Variants in DLGAP2 observed in about 807,000 individuals in gnomAD.
DLGAP2 encodes disks large-associated protein 2.
DLGAP2 carries 26 observed loss-of-function variants against 100.3 expected under a neutral mutation model. That is an observed-to-expected ratio of 0.26 (90% CI 0.19 to 0.36). DLGAP2 has a LOEUF of 0.36. DLGAP2 is among the 10% of genes least tolerant of loss of function. DLGAP2 has a pLI of 1.00. For missense variants in DLGAP2, 1,858 were observed against 1,453.2 expected (o/e 1.28, Z -4.53); for synonymous variants, 886 against 630.1 (o/e 1.41, Z -6.08).
At chr8:1,601,016 C>G (rs928463901) in intron 6 of DLGAP2, among the ~76,000 whole-genome samples, 1 of 152,162 alleles carries the variant, frequency 6.6e-6, no homozygotes, top group African/African-American at 2.4e-5. Context: ...ATTTATCTAT[C>G]TTTGTTCTTT....
intron 1 of DLGAP2, among the ~76,000 whole-genome samples, chr8:809,670 C>T (rs1011626617): frequency 5.9e-5 from 9 of 152,100 alleles, no homozygotes; most frequent in Admixed American, 2.0e-4. Flanking sequence ...TGGTGAAGAA[C>T]GGATGTGTTG....
chr8:1,287,153 T>TGCGC (rs1799940384), intron 3 of DLGAP2, among the ~76,000 whole-genome samples: 4 of 127,826 alleles, frequency 3.1e-5, no homozygotes, highest in Admixed American at 7.9e-5. Context: ...TGTGTGTGTG[T>TGCGC]GTGTGCGCGC....
At chr8:1,595,135 G>A (rs951028331) in intron 6 of DLGAP2, among the ~76,000 whole-genome samples, 2 of 151,762 alleles carry the variant, frequency 1.3e-5, no homozygotes, top group Non-Finnish European at 2.9e-5. Context: ...CAACCTCCCG[G>A]GTGCAAGCGA....
chr8:1,314,087 G>T (rs1436710043), intron 3 of DLGAP2, among the ~76,000 whole-genome samples: 2 of 152,186 alleles, frequency 1.3e-5, no homozygotes, highest in Non-Finnish European at 2.9e-5. Flanking sequence ...AGTTACTGCT[G>T]ACTTAATTAG....
intron 2 of DLGAP2, among the ~76,000 whole-genome samples, chr8:1,061,869 CG>C (rs1803094246): frequency 6.6e-6 from 1 of 151,964 alleles, no homozygotes. Context: ...TCTGTGTGGA[CG>C]GGGCCCCTCC....
At chr8:1,412,894 C>A (rs760498337) in intron 3 of DLGAP2, among the ~76,000 whole-genome samples, 1 of 152,162 alleles carries the variant, frequency 6.6e-6, no homozygotes, top group South Asian at 2.1e-4. Flanking sequence ...TATTTCCTGT[C>A]TCCCTGTCTC....
At chr8:1,018,166 A>T (rs1354792315) in intron 2 of DLGAP2, among the ~76,000 whole-genome samples, 1 of 149,760 alleles carries the variant, frequency 6.7e-6, no homozygotes, top group Non-Finnish European at 1.5e-5. Context: ...CAGATGCATT[A>T]TCCTAGACTC....
At chr8:1,538,409 G>A (rs530660220) in intron 4 of DLGAP2, among the ~76,000 whole-genome samples, 1 of 152,242 alleles carries the variant, frequency 6.6e-6, no homozygotes, top group African/African-American at 2.4e-5. Context: ...AGAATTCCCT[G>A]AGCACCTAAG....
chr8:1,147,291 T>C (rs954684469), intron 2 of DLGAP2, among the ~76,000 whole-genome samples: 1 of 152,190 alleles, frequency 6.6e-6, no homozygotes, highest in Non-Finnish European at 1.5e-5. Context: ...AATGAAACTC[T>C]GTAAAATAAT....
chr8:1,667,022 C>G (rs1358529135), intron 8 of DLGAP2, among the ~76,000 whole-genome samples: 1 of 152,226 alleles, frequency 6.6e-6, no homozygotes, highest in Non-Finnish European at 1.5e-5. Context: ...CACGTGCGCA[C>G]TCACCTACGT....
chr8:866,403 G>A (rs1030676815), intron 1 of DLGAP2, among the ~76,000 whole-genome samples: 1 of 152,208 alleles, frequency 6.6e-6, no homozygotes, highest in Non-Finnish European at 1.5e-5. Context: ...CAGGGCCTGG[G>A]AACCATGTCT....
chr8:1,059,959 T>G (rs1344591955), intron 2 of DLGAP2, among the ~76,000 whole-genome samples: 3 of 152,108 alleles, frequency 2.0e-5, no homozygotes, highest in African/African-American at 4.8e-5. Flanking sequence ...ATGAGTGGGC[T>G]CCAGAGGGCC....
chr8:1,530,373 G>A (rs1173549622), intron 4 of DLGAP2, among the ~76,000 whole-genome samples: 1 of 152,162 alleles, frequency 6.6e-6, no homozygotes, highest in Non-Finnish European at 1.5e-5. Context: ...CAGCTCACCG[G>A]TGGTCAGAGT....
chr8:1,665,065 C>T (rs1351761288), intron 8 of DLGAP2, among the ~76,000 whole-genome samples: 1 of 152,126 alleles, frequency 6.6e-6, no homozygotes, highest in African/African-American at 2.4e-5. Flanking sequence ...ATCATTTCAT[C>T]AGCCTGTAGC....
At chr8:1,626,225 C>T (rs1378263862) in intron 6 of DLGAP2, among the ~76,000 whole-genome samples, 8 of 92,280 alleles carry the variant, frequency 8.7e-5, no homozygotes, top group African/African-American at 1.6e-4. Flanking sequence ...GGTTGGACGG[C>T]TGTTCCCATC....
At chr8:1,376,726 CGGTGGG>C (rs1563114578) in intron 3 of DLGAP2, among the ~76,000 whole-genome samples, 2 of 147,910 alleles carry the variant, frequency 1.4e-5, no homozygotes, top group East Asian at 2.2e-4. Context: ...AACCTGAGCC[CGGTGGG>C]ATGTGTGGTC....
At chr8:1,692,772 G>A (rs1585069682) in intron 13 of DLGAP2, among the ~76,000 whole-genome samples, 1 of 151,976 alleles carries the variant, frequency 6.6e-6, no homozygotes, top group Admixed American at 6.6e-5. Flanking sequence ...CCATGAACTA[G>A]ATGATTAATA....
chr8:1,243,896 C>G (rs1563276344), intron 2 of DLGAP2, among the ~76,000 whole-genome samples: 1 of 152,248 alleles, frequency 6.6e-6, no homozygotes, highest in African/African-American at 2.4e-5. Context: ...GCCTCAGCAT[C>G]TGTTCTCTTA....
At chr8:766,704 A>T (rs993093195) in intron 1 of DLGAP2, among the ~76,000 whole-genome samples, 1 of 152,180 alleles carries the variant, frequency 6.6e-6, no homozygotes, top group Non-Finnish European at 1.5e-5. Context: ...TTTGAAAAGC[A>T]GCTTTTGTTT....
Sources: gnomAD v4.1 joint callset for allele counts (sites outside exome capture counted in the v4.1 genomes callset) on GRCh38, gnomAD v4.1.1 for gene constraint, MANE v1.5 for transcripts, NCBI Gene and HGNC (gene_info 2026-07-23, HGNC 2026-07-21) for gene names.